XRCC6: variants seen among roughly 807,000 people sequenced by gnomAD.
XRCC6 encodes X-ray repair cross complementing 6.
Under a neutral mutation model 65.7 loss-of-function variants are expected in XRCC6, and 5 were observed. That is an observed-to-expected ratio of 0.08 (90% CI 0.04 to 0.16). The LOEUF (loss-of-function observed/expected upper bound fraction) is 0.16, where lower values mean the gene tolerates loss of function less well. Ranked by LOEUF, XRCC6 falls within the 10% of genes least tolerant of loss-of-function variation. The pLI is 1.00. For synonymous variants in XRCC6, 270 were observed against 270.6 expected, an observed-to-expected ratio of 1.00 and a Z score of 0.02; for missense variants, 447 against 738.1, an observed-to-expected ratio of 0.61 and a Z score of 4.57.
intron 6 of XRCC6, among the ~76,000 whole-genome samples, chr22:41,641,396 G>A (rs2067874682): frequency 6.6e-6 from 1 of 152,190 alleles, no homozygotes; most frequent in Admixed American, 6.5e-5. Flanking sequence ...GGCATGCAAT[G>A]CGTAATAATT....
chr22:41,649,170 ATG>A (rs1197239859), intron 7 of XRCC6, among the ~76,000 whole-genome samples: 5 of 135,828 alleles, frequency 3.7e-5, no homozygotes, highest in Admixed American at 1.6e-4. Flanking sequence ...ATATGTATGT[ATG>A]TGTGTGTGTA....
At chr22:41,652,075 C>T (rs146239042) in intron 8 of XRCC6, among the ~76,000 whole-genome samples, 60 of 152,334 alleles carry the variant, frequency 3.9e-4, no homozygotes, top group African/African-American at 1.1e-3. Flanking sequence ...TGAGCCACCA[C>T]GTCCAGCCTG....
intron 3 of XRCC6, among the ~76,000 whole-genome samples, chr22:41,632,169 A>AGACCG (rs1299652060): frequency 2.3e-4 from 35 of 150,004 alleles, no homozygotes; most frequent in African/African-American, 7.8e-4. Flanking sequence ...GGGGAGAGGG[A>AGACCG]TAGGGAGAGG....
intron 6 of XRCC6, among the ~76,000 whole-genome samples, chr22:41,642,314 A>G (rs1244360304): frequency 6.6e-6 from 1 of 152,164 alleles, no homozygotes; most frequent in Non-Finnish European, 1.5e-5. Context: ...ATCTCAGATT[A>G]TGTTAGAGTT....
At chr22:41,646,824 G>A (rs1179809457) in intron 6 of XRCC6, 72 bp from the exon 7 acceptor site, 2 of 1,255,226 alleles carry the variant, frequency 1.6e-6, no homozygotes, top group Non-Finnish European at 1.1e-6. Flanking sequence ...TGAAGCTTTG[G>A]TGTTATGAGG....
chr22:41,654,202 A>G (rs180983197), intron 9 of XRCC6, among the ~76,000 whole-genome samples: 1 of 152,180 alleles, frequency 6.6e-6, no homozygotes, highest in Non-Finnish European at 1.5e-5. Flanking sequence ...TAGCTGGTCA[A>G]CGTGGGCAAG....
At chr22:41,636,070 C>G (rs1255117918) in intron 3 of XRCC6, 43 bp from the exon 4 acceptor site, 1 of 1,531,516 alleles carries the variant, frequency 6.5e-7, no homozygotes, top group African/African-American at 1.4e-5. Context: ...TATGGAGCTT[C>G]CATTTAGTGG....
intron 11 of XRCC6, 125 bp downstream of exon 11, chr22:41,658,477 T>G (rs1296708938): frequency 1.1e-6 from 1 of 884,998 alleles, no homozygotes; most frequent in Non-Finnish European, 1.8e-6. Flanking sequence ...CCAGACCCCC[T>G]CTGTTTGGAA....
chr22:41,659,259 C>T lies in XRCC6; in HGVS notation c.1522+907C>T, dbSNP rs940908604. Reference sequence around the variant, plus strand: ...TTAGCTGTGTCTGGCGAAAGAGAAACGTTTTGAGCTAAACAGCCCATCTCC... The same window carrying T: ...TTAGCTGTGTCTGGCGAAAGAGAAATGTTTTGAGCTAAACAGCCCATCTCC... On this transcript the variant is annotated intron_variant, in intron 11 of 12. Coordinates refer to ENST00000360079, the MANE Select transcript of XRCC6 (RefSeq NM_001469.5). 3.9e-5 allele frequency among the ~76,000 whole-genome samples: 6 copies of T among 152,088 alleles called. No homozygotes were observed. In the East Asian group the frequency reaches 5.8e-4, roughly 15 times the overall value.
At chr22:41,648,743 C>G (rs1390726861) in intron 7 of XRCC6, among the ~76,000 whole-genome samples, 1 of 151,962 alleles carries the variant, frequency 6.6e-6, no homozygotes, top group Non-Finnish European at 1.5e-5. Context: ...AGAGTTTTGC[C>G]CTACTCTTTG....
At chr22:41,635,954 T>G (rs1394076577) in intron 3 of XRCC6, among the ~76,000 whole-genome samples, 159 bp from the exon 4 acceptor site, 1 of 152,226 alleles carries the variant, frequency 6.6e-6, no homozygotes, top group African/African-American at 2.4e-5. Context: ...TTATGCCCAT[T>G]ACTTTCACTG....
intron 3 of XRCC6, among the ~76,000 whole-genome samples, chr22:41,632,562 G>A (rs2067766864): frequency 1.3e-5 from 2 of 152,018 alleles, no homozygotes; most frequent in African/African-American, 4.8e-5. Flanking sequence ...AGTGAGCCAG[G>A]ATCACGCCAC....
At chr22:41,643,186 G>A (rs1231113383) in intron 6 of XRCC6, among the ~76,000 whole-genome samples, 3 of 150,842 alleles carry the variant, frequency 2.0e-5, no homozygotes, top group African/African-American at 4.9e-5. Context: ...CCAAGGGGGC[G>A]GATCATGAGG....
chr22:41,621,679 T>G, intron 1 of XRCC6: 1 of 316,692 alleles, frequency 3.2e-6, no homozygotes, highest in Non-Finnish European at 6.0e-6. Flanking sequence ...GGTCCGTTAG[T>G]CAGCATAGAA....
chr22:41,641,862 G>A (rs28741126), intron 6 of XRCC6, among the ~76,000 whole-genome samples: 281 of 151,996 alleles, frequency 1.8e-3, no homozygotes, highest in Non-Finnish European at 3.3e-3. Context: ...GCGCGATCTC[G>A]GCTCACTGCA....
intron 3 of XRCC6, among the ~76,000 whole-genome samples, chr22:41,630,012 T>C (rs1291488722): frequency 1.5e-5 from 2 of 136,540 alleles, no homozygotes; most frequent in Non-Finnish European, 1.6e-5. Context: ...TGAGTTGGAG[T>C]CTCGCTCTGT....
At position 41,649,160 on chromosome 22, in the gene XRCC6, A is replaced by ATATATATATATATGTATG. The variant is rs1376197191; in HGVS notation, c.961-1560_961-1559insATATATATATGTATGTAT. ...AAAAAATATATATATATATATATATATATGTATGTATGTGTGTGTGTATAT... is the reference window on the plus strand; with the variant it reads ...AAAAAATATATATATATATATATATATATATATATATATGTATGTATGTATGTATGTGTGTGTGTATAT... On this transcript the variant is annotated intron_variant, in intron 7 of 12. Transcript: ENST00000360079. Among the ~76,000 whole-genome samples, 232 of 125,758 alleles carry ATATATATATATATGTATG rather than the reference A, an allele frequency of 1.8e-3. 1 individual carries two copies. The highest frequency in any genetic ancestry group is 8.0e-3 in the African/African-American group (220 of 27,394). 82.5% of individuals were successfully genotyped at this position (125,758 alleles called of 152,430 possible). A position where few individuals can be genotyped will look rare whatever the true frequency, so the allele number is the denominator to read the frequency against.
At chr22:41,660,083 C>T (rs889118478) in intron 11 of XRCC6, among the ~76,000 whole-genome samples, 3 of 152,244 alleles carry the variant, frequency 2.0e-5, no homozygotes, top group African/African-American at 7.2e-5. Flanking sequence ...TCTGATGCAG[C>T]AGGAGCACAG....
chr22:41,636,847 G>C, intron 5 of XRCC6, 77 bp downstream of exon 5: 1 of 1,512,142 alleles, frequency 6.6e-7, no homozygotes, highest in Non-Finnish European at 8.8e-7. Flanking sequence ...AGGAGTTCAG[G>C]AGTCTTGGCT....
Sources: gnomAD v4.1 joint callset for allele counts (sites outside exome capture counted in the v4.1 genomes callset) on GRCh38, gnomAD v4.1.1 for gene constraint, MANE v1.5 for transcripts, NCBI Gene and HGNC (gene_info 2026-07-23, HGNC 2026-07-21) for gene names.